TOX: variants seen among roughly 807,000 people sequenced by gnomAD.
The protein encoded by TOX is thymocyte selection-associated high mobility group box protein TOX.
In TOX, 11 loss-of-function variants were observed where a neutral mutation model predicts 53.7. The observed-to-expected ratio is 0.20, with a 90% confidence interval of 0.13 to 0.34. TOX has a LOEUF of 0.34. Among genes scored for constraint, TOX ranks in the 10% least tolerant of loss-of-function variants. TOX has a pLI of 1.00. For synonymous variants in TOX, 225 were observed against 245.3 expected, an observed-to-expected ratio of 0.92 and a Z score of 0.77; for missense variants, 570 against 664.6, an observed-to-expected ratio of 0.86 and a Z score of 1.56.
At chr8:59,116,410 CCTT>C (rs1352879731) in intron 1 of TOX, among the ~76,000 whole-genome samples, 14 of 152,348 alleles carry the variant, frequency 9.2e-5, no homozygotes, top group African/African-American at 3.4e-4. Context: ...AAACTTCTGT[CCTT>C]CTTCCATTTC....
intron 1 of TOX, among the ~76,000 whole-genome samples, chr8:58,984,759 G>C (rs1421576398): frequency 7.0e-6 from 1 of 143,456 alleles, no homozygotes; most frequent in Non-Finnish European, 1.5e-5. Flanking sequence ...CTCCAGCCTG[G>C]GCGACAGAGC....
At chr8:58,879,785 C>G (rs1811352174) in intron 3 of TOX, among the ~76,000 whole-genome samples, 1 of 152,100 alleles carries the variant, frequency 6.6e-6, no homozygotes, top group Non-Finnish European at 1.5e-5. Context: ...AAACAAGGCT[C>G]TACTGGATGG....
intron 4 of TOX, among the ~76,000 whole-genome samples, chr8:58,845,833 A>C (rs1047843503): frequency 2.0e-5 from 3 of 152,064 alleles, no homozygotes; most frequent in Non-Finnish European, 4.4e-5. Flanking sequence ...AAGAGAAAAA[A>C]GGTTGGTTGT....
At chr8:58,887,181 G>C (rs1239553907) in intron 3 of TOX, among the ~76,000 whole-genome samples, 1 of 151,870 alleles carries the variant, frequency 6.6e-6, no homozygotes, top group Non-Finnish European at 1.5e-5. Context: ...TTCTTATTCA[G>C]GATGGATTCT....
At chr8:59,095,414 A>T (rs1804697774) in intron 1 of TOX, among the ~76,000 whole-genome samples, 1 of 152,100 alleles carries the variant, frequency 6.6e-6, no homozygotes, top group Non-Finnish European at 1.5e-5. Flanking sequence ...ATTAAAAATA[A>T]TCTTTTTTTT....
At chr8:59,105,407 T>C (rs1373214515) in intron 1 of TOX, among the ~76,000 whole-genome samples, 2 of 152,128 alleles carry the variant, frequency 1.3e-5, no homozygotes, top group Admixed American at 1.3e-4. Context: ...GCTCTCAGTA[T>C]AAAGCACAAA....
chr8:59,026,742 G>T (rs1002304174), intron 1 of TOX, among the ~76,000 whole-genome samples: 1 of 152,106 alleles, frequency 6.6e-6, no homozygotes, highest in Non-Finnish European at 1.5e-5. Flanking sequence ...TCATCCAAAA[G>T]AAATATGCTC....
At chr8:59,049,814 A>G (rs1803756606) in intron 1 of TOX, among the ~76,000 whole-genome samples, 1 of 152,180 alleles carries the variant, frequency 6.6e-6, no homozygotes, top group Non-Finnish European at 1.5e-5. Flanking sequence ...TAGTTTCCCA[A>G]AAGAAAGTGA....
chr8:58,827,407 T>A (rs1259197695), intron 5 of TOX, among the ~76,000 whole-genome samples: 2 of 152,040 alleles, frequency 1.3e-5, no homozygotes, highest in East Asian at 3.9e-4. Context: ...CATCACTGAG[T>A]TAAGATTTGG....
At chr8:58,820,206 G>A (rs1810250014) in intron 6 of TOX, among the ~76,000 whole-genome samples, 1 of 150,772 alleles carries the variant, frequency 6.6e-6, no homozygotes, top group Admixed American at 6.6e-5. Flanking sequence ...TAAGCATTGT[G>A]CTTCTTTACT....
intron 3 of TOX, among the ~76,000 whole-genome samples, chr8:58,871,886 A>G (rs1811204531): frequency 6.6e-6 from 1 of 152,192 alleles, no homozygotes; most frequent in Admixed American, 6.6e-5. Flanking sequence ...GTATTCATAC[A>G]TATATCTCCC....
At chr8:59,002,297 A>C (rs1338294713) in intron 1 of TOX, among the ~76,000 whole-genome samples, 2 of 150,914 alleles carry the variant, frequency 1.3e-5, no homozygotes, top group African/African-American at 2.4e-5. Context: ...TTTAAAAAAA[A>C]AATGCAGACA....
chr8:59,075,615 G>A (rs560065414), intron 1 of TOX, among the ~76,000 whole-genome samples: 64 of 152,242 alleles, frequency 4.2e-4, no homozygotes, highest in African/African-American at 1.5e-3. Context: ...GGCCCCACTT[G>A]AGAACCTAGA....
At chr8:59,041,249 A>C (rs1163335467) in intron 1 of TOX, among the ~76,000 whole-genome samples, 7 of 151,942 alleles carry the variant, frequency 4.6e-5, no homozygotes, top group Non-Finnish European at 7.4e-5. Context: ...CAAATTTCTT[A>C]ATGTGGCACA....
At chr8:59,038,405 G>A (rs1803511671) in intron 1 of TOX, among the ~76,000 whole-genome samples, 1 of 152,174 alleles carries the variant, frequency 6.6e-6, no homozygotes, top group African/African-American at 2.4e-5. Flanking sequence ...ATTATAATCA[G>A]AAATTTGTTC....
intron 3 of TOX, among the ~76,000 whole-genome samples, chr8:58,861,267 G>T (rs1489585197): frequency 6.6e-6 from 1 of 152,208 alleles, no homozygotes; most frequent in African/African-American, 2.4e-5. Context: ...GTCTAAAAGA[G>T]CTCTGGGGAT....
At chr8:58,821,608 C>A (rs1810277365) in intron 6 of TOX, among the ~76,000 whole-genome samples, 1 of 151,810 alleles carries the variant, frequency 6.6e-6, no homozygotes, top group South Asian at 2.1e-4. Context: ...CCTATTTCCC[C>A]CTCTCCCAGC....
At chr8:58,893,093 T>C (rs561496192) in intron 3 of TOX, among the ~76,000 whole-genome samples, 24 of 152,320 alleles carry the variant, frequency 1.6e-4, no homozygotes, top group African/African-American at 5.5e-4. Flanking sequence ...TTGCTCCAAT[T>C]GCCATTTAAC....
At chr8:59,077,330 T>G (rs1242905831) in intron 1 of TOX, among the ~76,000 whole-genome samples, 2 of 152,248 alleles carry the variant, frequency 1.3e-5, no homozygotes, top group Admixed American at 6.5e-5. Context: ...CAGCTTCCCC[T>G]TTCTTCTCTA....
Sources: gnomAD v4.1 joint callset for allele counts (sites outside exome capture counted in the v4.1 genomes callset) on GRCh38, gnomAD v4.1.1 for gene constraint, MANE v1.5 for transcripts, NCBI Gene and HGNC (gene_info 2026-07-23, HGNC 2026-07-21) for gene names.